MYOT: variants seen among roughly 807,000 people sequenced by gnomAD.
MYOT encodes myotilin.
MYOT carries 36 observed loss-of-function variants against 58.0 expected under a neutral mutation model. The observed-to-expected ratio is 0.62, with a 90% confidence interval of 0.48 to 0.82. The LOEUF (loss-of-function observed/expected upper bound fraction) is 0.82, where lower values mean the gene tolerates loss of function less well. Among genes scored for constraint, MYOT ranks in the 40% least tolerant of loss-of-function variants. The pLI, the probability that MYOT is intolerant of heterozygous loss-of-function variation, is 0.00. For missense variants in MYOT, 505 were observed against 592.1 expected (o/e 0.85, Z 1.53); for synonymous variants, 218 against 204.6 (o/e 1.07, Z -0.56).
intron 3 of MYOT, among the ~76,000 whole-genome samples, chr5:137,877,026 T>C (rs569636083): frequency 6.7e-6 from 1 of 150,012 alleles, no homozygotes; most frequent in Non-Finnish European, 1.5e-5. Flanking sequence ...GAAATGGTAC[T>C]AGAATAGAAG....
At position 137,877,513 on chromosome 5, in the gene MYOT, T is replaced by C. The variant is rs202097321; in HGVS notation, c.532-7T>C. On this transcript the variant is annotated splice_polypyrimidine_tract_variant and splice_region_variant and intron_variant, in intron 3 of 9. Transcript: ENST00000239926. Reference sequence around the variant, plus strand: ...ATCTAATTACTGTCTCAATAAATTCTCTAAAGCGTCTAACATATGAAGAGA... The same window carrying C: ...ATCTAATTACTGTCTCAATAAATTCCCTAAAGCGTCTAACATATGAAGAGA... 3 of 1,595,802 alleles carry C rather than the reference T, an allele frequency of 1.9e-6. No individual in the cohort carries two copies. The highest frequency in any genetic ancestry group is 2.7e-5 in the African/African-American group (2 of 74,654).
In MYOT at chr5:137,870,969, T is replaced by C. The variant is rs753980297; in HGVS notation, c.318T>C (p.Asp106=). The C allele has an allele frequency of 1.2e-6, 2 of 1,614,060 alleles. No individual in the cohort carries two copies. Among genetic ancestry groups the C allele is most frequent in the African/African-American group, 2.7e-5 (2 of 74,938 alleles). ...FLSSILPSQP[D]YNSSKIPSAM... ...GCTCCATATTACCATCACAGCCTGA[T>C]TACAATAGCAGTAAAATCCCTTCCG... Residue 106 remains aspartate (D), a synonymous_variant, in exon 2 of 10, where the codon GAT becomes GAC. Coordinates refer to ENST00000239926, the MANE Select transcript of MYOT (RefSeq NM_006790.3).
At position 137,875,896 on chromosome 5, in the gene MYOT, A is replaced by G. The variant is rs771238896; in HGVS notation, c.424A>G (p.Ile142Val). Reference sequence around the variant, plus strand: ...ATCCCAAACTGCAAATGCTAAGCCCATACCAAGAACTCCTGATCATGAAAT... The same window carrying G: ...ATCCCAAACTGCAAATGCTAAGCCCGTACCAAGAACTCCTGATCATGAAAT... ...KPSQTANAKP[I>V]PRTPDHEIQG... is the part of the protein sequence containing the mutation. Residue 142 changes from isoleucine (I) to valine (V), a missense_variant, in exon 3 of 10, where the codon ATA becomes GTA. By Grantham distance (29) the Ile-to-Val change is conservative. Transcript: ENST00000239926. 1 of 1,614,132 alleles carries G rather than the reference A, an allele frequency of 6.2e-7. No individual in the cohort carries two copies. The highest frequency in any genetic ancestry group is 8.5e-7 in the Non-Finnish European group (1 of 1,179,982).
Position 137,886,113 on chromosome 5 carries a change from G to A in MYOT, c.1090G>A (p.Asp364Asn). ...KPQSKKVLEG[D>N]SVKLECQISA... ...ACAGAGCAAAAAAGTTTTAGAGGGA[G>A]ATTCAGTGAAACTAGAATGCCAGAT... The change falls in exon 8 of 10, where the codon GAT becomes AAT. Residue 364 changes from aspartate (D) to asparagine (N), a missense_variant. Coordinates refer to ENST00000239926, the MANE Select transcript of MYOT (RefSeq NM_006790.3). 6.2e-7 allele frequency: 1 copy of A among 1,610,860 alleles called. No homozygotes were observed.
chr5:137,884,582 T>G (rs947027167), intron 7 of MYOT, among the ~76,000 whole-genome samples: 5 of 152,170 alleles, frequency 3.3e-5, no homozygotes, highest in African/African-American at 1.2e-4. Context: ...ACAAGTTGAG[T>G]ATCCCTAATC....
intron 2 of MYOT, among the ~76,000 whole-genome samples, chr5:137,873,863 C>T (rs774347509): frequency 6.6e-6 from 1 of 151,996 alleles, no homozygotes. Context: ...GCTCTGTGTT[C>T]GTGGATATAA....
chr5:137,885,153 T>C (rs1755554983), intron 7 of MYOT, among the ~76,000 whole-genome samples: 3 of 152,226 alleles, frequency 2.0e-5, no homozygotes, highest in African/African-American at 7.2e-5. Context: ...GGTACTGAAC[T>C]ATCGTTTCCT....
At chr5:137,873,483 T>C (rs1273737953) in intron 2 of MYOT, among the ~76,000 whole-genome samples, 1 of 151,760 alleles carries the variant, frequency 6.6e-6, no homozygotes, top group Non-Finnish European at 1.5e-5. Context: ...GAGGCAGAGG[T>C]TGCAGTGAGC....
chr5:137,871,079 TG>T, intron 2 of MYOT, 72 bp downstream of exon 2: 2 of 1,284,056 alleles, frequency 1.6e-6, no homozygotes, highest in Admixed American at 1.9e-5. Flanking sequence ...GTAGGAGTTT[TG>T]GGGGTATGCT....
At chr5:137,873,448 C>T (rs1413925168) in intron 2 of MYOT, among the ~76,000 whole-genome samples, 3 of 151,544 alleles carry the variant, frequency 2.0e-5, no homozygotes, top group East Asian at 1.9e-4. Flanking sequence ...GCATGAGAAT[C>T]GCTTAAACCC....
At chr5:137,876,185 T>C (rs1014612593) in intron 3 of MYOT, 182 bp downstream of exon 3, 7 of 638,824 alleles carry the variant, frequency 1.1e-5, no homozygotes, top group East Asian at 2.8e-5. Flanking sequence ...TGGTTTACAG[T>C]AGTAAAAGAA....
rs1447477813 is a variant in MYOT at position 137,876,013 on chromosome 5, A to T, written c.531+10A>T. ...TCATAATGGAAATCAAGTGGGCAAG[A>T]TGTCTATTTTGTACAAAAGGCCAAT... On this transcript the variant is annotated intron_variant, in intron 3 of 9. Coordinates refer to ENST00000239926, the MANE Select transcript of MYOT (RefSeq NM_006790.3). 4.3e-6 allele frequency: 7 copies of T among 1,613,870 alleles called. No individual in the cohort carries two copies. In the East Asian group the frequency reaches 1.6e-4, roughly 36 times the overall value.
intron 4 of MYOT, 124 bp from the exon 5 acceptor site, chr5:137,880,692 A>T: frequency 1.3e-6 from 1 of 779,676 alleles, no homozygotes; most frequent in Non-Finnish European, 2.2e-6. Flanking sequence ...GAATATATAG[A>T]ACTTACCAGG....
In MYOT at chr5:137,886,980, C is replaced by CA; in HGVS notation, c.1309dup (p.Arg437LysfsTer16). ...GAAGCTGGAGTGACTACATGTAACA[C>CA]AAGATTAGACGTTACGGGTATGTCA... On this transcript the variant is annotated frameshift_variant, in exon 9 of 10. Coordinates refer to ENST00000239926, the MANE Select transcript of MYOT (RefSeq NM_006790.3). LOFTEE classifies it high-confidence loss of function. The CA allele has an allele frequency of 1.2e-6, 2 of 1,613,320 alleles. No homozygotes were observed. Among genetic ancestry groups the CA allele is most frequent in the Non-Finnish European group, 1.7e-6 (2 of 1,179,354 alleles).
At position 137,886,097 on chromosome 5, in the gene MYOT, A is replaced by C; in HGVS notation, c.1074A>C (p.Lys358Asn). The change falls in exon 8 of 10, where the codon AAA (lysine) becomes AAC (asparagine). Residue 358 changes from lysine (K) to asparagine (N), a missense_variant. Physicochemically the swap from Lys to Asn is moderately conservative, Grantham distance 94. Coordinates refer to ENST00000239926, the MANE Select transcript of MYOT (RefSeq NM_006790.3). The stretch of plus-strand genomic sequence containing the variant: ...TGTTTATCTACAAACCACAGAGCAA[A>C]AAAGTTTTAGAGGGAGATTCAGTGA... ...APMFIYKPQS[K>N]KVLEGDSVKL... The C allele has an allele frequency of 6.2e-7, 1 of 1,610,802 alleles. No homozygotes were observed. The highest frequency in any genetic ancestry group is 1.7e-4 in the Middle Eastern group (1 of 6,044).
At chr5:137,881,341 C>T (rs540608609) in intron 5 of MYOT, among the ~76,000 whole-genome samples, 76 of 152,296 alleles carry the variant, frequency 5.0e-4, no homozygotes, top group African/African-American at 1.8e-3. Flanking sequence ...ATTACACTAT[C>T]AGATCAAACA....
In MYOT at chr5:137,882,135, A is replaced by G. The variant is rs202205694; in HGVS notation, c.816+30A>G. On this transcript the variant is annotated intron_variant, in intron 6 of 9. Coordinates refer to ENST00000239926, the MANE Select transcript of MYOT (RefSeq NM_006790.3). ...GAGAAGGGTTCAAAAGTACTGGGGG[A>G]AAATTAACAATGGGATACTAAGTTT... 152 of 1,611,648 alleles carry G rather than the reference A, an allele frequency of 9.4e-5. No individual in the cohort carries two copies. Among genetic ancestry groups the G allele is most frequent in the African/African-American group, 2.9e-4 (22 of 74,876 alleles).
At position 137,868,604 on chromosome 5, in the gene MYOT, T is replaced by C. The variant is rs17171596; in HGVS notation, c.-212+651T>C. On this transcript the variant is annotated intron_variant, in intron 1 of 9. Coordinates refer to ENST00000239926, the MANE Select transcript of MYOT (RefSeq NM_006790.3). ...GCCAATATCAACATGTACAAGACAG[T>C]TGCCATTCTGAAAATATATGTAAAG... Among the ~76,000 whole-genome samples, 808 of 152,302 alleles carry C rather than the reference T, an allele frequency of 5.3e-3. 9 individuals carry two copies. Among genetic ancestry groups the C allele is most frequent in the African/African-American group, 0.018 (761 of 41,574 alleles).
In MYOT at chr5:137,887,596, T is replaced by C. The variant is rs572599533; in HGVS notation, c.*211T>C. On this transcript the variant is annotated 3_prime_UTR_variant, in exon 10 of 10. Coordinates refer to ENST00000239926, the MANE Select transcript of MYOT (RefSeq NM_006790.3). ...GAAGCCTACAGGAAATCTGGGTATA[T>C]GGATTTGTAACTGCAGAAGACTATC... is the stretch of plus-strand genomic sequence containing the variant. 3.7e-6 allele frequency: 1 copy of C among 268,040 alleles called. No individual in the cohort carries two copies. The highest frequency in any genetic ancestry group is 6.7e-6 in the Non-Finnish European group (1 of 148,680). 16.6% of individuals were successfully genotyped at this position (268,040 alleles called of 1,614,324 possible).
Sources: gnomAD v4.1 joint callset for allele counts (sites outside exome capture counted in the v4.1 genomes callset) on GRCh38, gnomAD v4.1.1 for gene constraint, MANE v1.5 for transcripts, NCBI Gene and HGNC (gene_info 2026-07-23, HGNC 2026-07-21) for gene names.